Variants in PTPRC observed in about 807,000 individuals in gnomAD.
PTPRC encodes protein tyrosine phosphatase receptor type C, also known as receptor-type tyrosine-protein phosphatase C.
In PTPRC, 44 loss-of-function variants were observed where a neutral mutation model predicts 155.9. The ratio of observed to expected loss-of-function variants is 0.28; its 90% confidence interval spans 0.22 to 0.36. PTPRC has a LOEUF of 0.36. Among genes scored for constraint, PTPRC ranks in the 10% least tolerant of loss-of-function variants. The pLI is 1.00. For missense variants in PTPRC, 1,401 were observed against 1,564.6 expected (o/e 0.90, Z 1.76); for synonymous variants, 525 against 533.1 (o/e 0.98, Z 0.21).
intron 2 of PTPRC, among the ~76,000 whole-genome samples, chr1:198,659,047 TTAA>T (rs773472051): frequency 2.6e-4 from 40 of 152,294 alleles, no homozygotes; most frequent in Non-Finnish European, 5.3e-4. Context: ...TAAAAATATC[TTAA>T]TGATGAATTT....
At position 198,752,624 on chromosome 1, in the gene PTPRC, C is replaced by A. The variant is rs1190604034; in HGVS notation, c.3361C>A (p.Gln1121Lys). 1 of 1,612,628 alleles carries A rather than the reference C, an allele frequency of 6.2e-7. No homozygotes were observed. Residue 1121 changes from glutamine to lysine, a missense_variant, in exon 31 of 33, where the codon CAA becomes AAA. Around this residue, in one of 3 missense-constraint regions of PTPRC, gnomAD observed 400 missense variants for 389.5 expected, o/e 1.03. Coordinates refer to ENST00000442510, the MANE Select transcript of PTPRC (RefSeq NM_002838.5). ...AGACTCTCGAACTGTGTACCAGTAC[C>A]AATATACAAACTGGAGTGTGGAGCA... is the stretch of plus-strand genomic sequence containing the variant. ...RKDSRTVYQY[Q>K]YTNWSVEQLP...
intron 27 of PTPRC, among the ~76,000 whole-genome samples, chr1:198,748,979 T>C (rs1655257856): frequency 6.6e-6 from 1 of 151,674 alleles, no homozygotes; most frequent in African/African-American, 2.4e-5. Context: ...ATAGGTCAAA[T>C]AATTTTCTGG....
intron 31 of PTPRC, among the ~76,000 whole-genome samples, chr1:198,753,561 A>C (rs1655485251): frequency 6.6e-6 from 1 of 152,042 alleles, no homozygotes; most frequent in South Asian, 2.1e-4. Flanking sequence ...AGCCTTAAGA[A>C]ATATATGAAT....
chr1:198,751,607 G>A (rs999684126), intron 29 of PTPRC, among the ~76,000 whole-genome samples: 7 of 151,958 alleles, frequency 4.6e-5, no homozygotes, highest in Non-Finnish European at 1.5e-5. Context: ...CATATAAATT[G>A]TGAAAGCTGG....
chr1:198,649,541 A>C (rs930592775), intron 2 of PTPRC, among the ~76,000 whole-genome samples: 5 of 151,864 alleles, frequency 3.3e-5, no homozygotes, highest in Admixed American at 6.6e-5. Flanking sequence ...GCTACTTTTA[A>C]AGTACTTAAA....
At position 198,734,372 on chromosome 1, in the gene PTPRC, G is replaced by A. The variant is rs1186517033; in HGVS notation, c.2224G>A (p.Glu742Lys). The A allele has an allele frequency of 1.9e-6, 3 of 1,611,034 alleles. No homozygotes were observed. The highest frequency in any genetic ancestry group is 2.5e-6 in the Non-Finnish European group (3 of 1,177,932). ...TVDDFWRMIWEQKATVIVMVT... is the reference protein window; with the variant it reads ...TVDDFWRMIWKQKATVIVMVT... ...TGATGATTTCTGGAGGATGATTTGGGAACAGAAAGCCACAGTTATTGTCAT... is the reference window on the plus strand; with the variant it reads ...TGATGATTTCTGGAGGATGATTTGGAAACAGAAAGCCACAGTTATTGTCAT... The change falls in exon 22 of 33, where the codon GAA (glutamate) becomes AAA (lysine). Residue 742 changes from glutamate to lysine, a missense_variant. Physicochemically the swap from Glu to Lys is moderately conservative, Grantham distance 56. Around this residue, in one of 3 missense-constraint regions of PTPRC, gnomAD observed 867 missense variants for 970.4 expected, o/e 0.89. Coordinates refer to ENST00000442510, the MANE Select transcript of PTPRC (RefSeq NM_002838.5).
intron 2 of PTPRC, among the ~76,000 whole-genome samples, chr1:198,688,005 A>G (rs1218873601): frequency 6.6e-6 from 1 of 152,074 alleles, no homozygotes; most frequent in Non-Finnish European, 1.5e-5. Flanking sequence ...AAGCAAGTTG[A>G]GTCTTACACT....
rs544681191 is a variant in PTPRC at position 198,686,985 on chromosome 1, AACCAATCTTTTGTTGTTG to A, written c.74-5361_74-5344del. On this transcript the variant is annotated intron_variant, in intron 2 of 32. Coordinates refer to ENST00000442510, the MANE Select transcript of PTPRC (RefSeq NM_002838.5). ...CATGAAGTAGTTAAATATGTTATAC[AACCAATCTTTTGTTGTTG>A]TTGTTGTTGTTGTTGTTTTTGAGTC... is the stretch of plus-strand genomic sequence containing the variant. Among the ~76,000 whole-genome samples, 1,069 of 143,966 alleles carry A rather than the reference AACCAATCTTTTGTTGTTG, an allele frequency of 7.4e-3. 4 individuals carry two copies. The highest frequency in any genetic ancestry group is 9.9e-3 in the Non-Finnish European group (655 of 66,224). The allele number at this position is 143,966 out of a possible 152,430, so 94.4% of individuals were successfully genotyped here.
intron 2 of PTPRC, among the ~76,000 whole-genome samples, chr1:198,687,241 C>G (rs1479987715): frequency 6.6e-6 from 1 of 152,298 alleles, no homozygotes; most frequent in Admixed American, 6.5e-5. Context: ...CTGCCTCTCC[C>G]TCCCAAAGTT....
chr1:198,656,548 G>A (rs948129646), intron 2 of PTPRC, among the ~76,000 whole-genome samples: 3 of 152,030 alleles, frequency 2.0e-5, no homozygotes, highest in Non-Finnish European at 4.4e-5. Flanking sequence ...CTGTGTATGA[G>A]CTATGAAGGC....
intron 2 of PTPRC, among the ~76,000 whole-genome samples, chr1:198,663,661 A>G (rs1456765991): frequency 6.6e-6 from 1 of 152,196 alleles, no homozygotes; most frequent in Non-Finnish European, 1.5e-5. Context: ...GCAGGCTTTA[A>G]TAACTAGATT....
In PTPRC at chr1:198,754,401, A is replaced by G. The variant is rs1655529377; in HGVS notation, c.3642A>G (p.Thr1214=). ...LRKARPGMVS[T]FEQYQFLYDV... ...AAGCTAGGCCAGGCATGGTTTCCAC[A>G]TTCGTAAGTATCCTTCACCATTGCT... The change falls in exon 32 of 33, where the codon ACA becomes ACG. Residue 1214 remains threonine, a synonymous_variant. Transcript: ENST00000442510. 2 of 1,613,430 alleles carry G rather than the reference A, an allele frequency of 1.2e-6. No individual in the cohort carries two copies. The highest frequency in any genetic ancestry group is 1.7e-6 in the Non-Finnish European group (2 of 1,179,660).
In PTPRC at chr1:198,729,150, C is replaced by T. The variant is rs1055527772; in HGVS notation, c.1843C>T (p.Gln615Ter). 1 of 1,611,142 alleles carries T rather than the reference C, an allele frequency of 6.2e-7. No individual in the cohort carries two copies. The highest frequency in any genetic ancestry group is 8.5e-7 in the Non-Finnish European group (1 of 1,178,388). Residue 615 changes from glutamine to a stop codon, truncating the protein, a stop_gained, in exon 17 of 33, where the codon CAG becomes TAG. Transcript: ENST00000442510. LOFTEE classifies it high-confidence loss of function. ...CTATTTTCACAGCAATTTAGATGAA[C>T]AGCAGGAGCTTGTTGAAAGGGGTAA... ...HKKRSCNLDE[Q>*]QELVERDDEK...
At chr1:198,656,498 G>C (rs1663575023) in intron 2 of PTPRC, among the ~76,000 whole-genome samples, 1 of 151,940 alleles carries the variant, frequency 6.6e-6, no homozygotes, top group South Asian at 2.1e-4. Flanking sequence ...TTTGCCCATG[G>C]ATCCAGATAC....
chr1:198,738,662 G>A (rs764385950), intron 23 of PTPRC, among the ~76,000 whole-genome samples: 1 of 151,608 alleles, frequency 6.6e-6, no homozygotes, highest in Admixed American at 6.6e-5. Flanking sequence ...TACTGGCCTT[G>A]CAGAATGAGT....
At chr1:198,746,286 T>G (rs1264818684) in intron 26 of PTPRC, among the ~76,000 whole-genome samples, 5 of 151,828 alleles carry the variant, frequency 3.3e-5, no homozygotes, top group African/African-American at 1.2e-4. Context: ...AGTGCTTGGT[T>G]GATTTGAAAG....
intron 2 of PTPRC, chr1:198,679,011 G>C: frequency 4.9e-6 from 1 of 204,708 alleles, no homozygotes; most frequent in South Asian, 8.0e-5. Context: ...TAAACCATCT[G>C]ACTGCTCAGG....
At chr1:198,712,077 A>G (rs897324049) in intron 11 of PTPRC, among the ~76,000 whole-genome samples, 1 of 152,230 alleles carries the variant, frequency 6.6e-6, no homozygotes, top group Non-Finnish European at 1.5e-5. Context: ...CAAAACCTGG[A>G]AACAGCCCAA....
At chr1:198,727,323 C>A (rs1022656268) in intron 15 of PTPRC, among the ~76,000 whole-genome samples, 6 of 152,012 alleles carry the variant, frequency 3.9e-5, no homozygotes, top group African/African-American at 1.5e-4. Flanking sequence ...TTACTTATTT[C>A]TTCTGTTCAT....
Sources: gnomAD v4.1 joint callset for allele counts (sites outside exome capture counted in the v4.1 genomes callset) on GRCh38, gnomAD v4.1.1 for gene constraint, gnomAD v4.1.1 regional missense constraint, MANE v1.5 for transcripts, NCBI Gene and HGNC (gene_info 2026-07-23, HGNC 2026-07-21) for gene names.